The following BTC variants were observed in gnomAD, a reference collection of about 807,000 sequenced individuals.
BTC encodes betacellulin.
A neutral mutation model predicts 18.1 loss-of-function variants in BTC; 13 were observed. That is an observed-to-expected ratio of 0.72 (90% CI 0.47 to 1.14). The LOEUF (loss-of-function observed/expected upper bound fraction) is 1.14, where lower values mean the gene tolerates loss of function less well. Ranked by LOEUF, BTC falls within the 50% of genes most tolerant of loss-of-function variation. The pLI, the probability that BTC is intolerant of heterozygous loss-of-function variation, is 0.00. For missense variants in BTC, 247 were observed against 224.2 expected (o/e 1.10, Z -0.65); for synonymous variants, 83 against 79.4 (o/e 1.05, Z -0.24).
intron 3 of BTC, among the ~76,000 whole-genome samples, chr4:74,753,101 G>T (rs1344985864): frequency 6.6e-6 from 1 of 152,160 alleles, no homozygotes; most frequent in Non-Finnish European, 1.5e-5. Context: ...AGAAGAAGAG[G>T]CAAAGAGAGC....
chr4:74,758,135 C>A (rs1724652448), intron 2 of BTC, among the ~76,000 whole-genome samples: 1 of 152,066 alleles, frequency 6.6e-6, no homozygotes, highest in Admixed American at 6.6e-5. Context: ...GGCACAGAGT[C>A]AAGAATATGC....
At chr4:74,747,639 C>G (rs1320836516) in intron 5 of BTC, among the ~76,000 whole-genome samples, 1 of 152,128 alleles carries the variant, frequency 6.6e-6, no homozygotes, top group Non-Finnish European at 1.5e-5. Context: ...CTGAACAATC[C>G]TTACTGATGC....
chr4:74,788,760 T>A (rs1213119035), intron 1 of BTC, among the ~76,000 whole-genome samples: 2 of 152,234 alleles, frequency 1.3e-5, no homozygotes, highest in African/African-American at 4.8e-5. Flanking sequence ...GTTTTGCTAA[T>A]TGCGATAGTC....
intron 1 of BTC, among the ~76,000 whole-genome samples, chr4:74,782,888 C>T (rs149396497): frequency 7.4e-4 from 113 of 152,118 alleles, no homozygotes; most frequent in African/African-American, 2.5e-3. Context: ...TTCTTGGCCA[C>T]GTGTATGTCT....
Position 74,776,231 on chromosome 4 carries a change from G to A in BTC, c.65-6075C>T, listed in dbSNP as rs143641514. Among the ~76,000 whole-genome samples, 9 of 151,300 alleles carry A rather than the reference G, an allele frequency of 5.9e-5. No individual in the cohort carries two copies. The East Asian group carries it at 1.4e-3, about 23-fold the overall frequency. ...CTTTTTCCTTTTAAATGTTTTTTGG[G>A]TCAGATTTCACCTATCATTCAAATA... On this transcript the variant is annotated intron_variant, in intron 1 of 5. Transcript: ENST00000395743.
At chr4:74,765,272 A>G (rs1483383756) in intron 2 of BTC, among the ~76,000 whole-genome samples, 8 of 152,100 alleles carry the variant, frequency 5.3e-5, no homozygotes, top group African/African-American at 1.9e-4. Context: ...AATTTTCAAC[A>G]AAGAGATAGA....
chr4:74,784,414 A>G (rs947557076), intron 1 of BTC, among the ~76,000 whole-genome samples: 1 of 152,060 alleles, frequency 6.6e-6, no homozygotes, highest in Admixed American at 6.5e-5. Context: ...TCCTACTTAC[A>G]TACTCTTTAT....
chr4:74,749,931 C>CAAAAAA (rs782482968), intron 4 of BTC, among the ~76,000 whole-genome samples: 3 of 74,040 alleles, frequency 4.1e-5, no homozygotes, highest in African/African-American at 1.4e-4. Context: ...CCAGTCTCCA[C>CAAAAAA]AAAAAAAAAA....
intron 2 of BTC, among the ~76,000 whole-genome samples, chr4:74,759,748 G>A (rs181342880): frequency 6.6e-6 from 1 of 152,032 alleles, no homozygotes; most frequent in Non-Finnish European, 1.5e-5. Context: ...CGGAAGTAAG[G>A]ACATCTTTCT....
intron 1 of BTC, among the ~76,000 whole-genome samples, chr4:74,785,539 G>A (rs576837850): frequency 6.6e-6 from 1 of 152,116 alleles, no homozygotes; most frequent in South Asian, 2.1e-4. Flanking sequence ...GATCTTTCTA[G>A]ATTTTTGATG....
At chr4:74,757,543 T>C (rs1553956865) in intron 2 of BTC, among the ~76,000 whole-genome samples, 1 of 152,240 alleles carries the variant, frequency 6.6e-6, no homozygotes, top group East Asian at 1.9e-4. Flanking sequence ...GACAAATCAA[T>C]TGATGTCAAC....
At chr4:74,777,605 T>A (rs1321635013) in intron 1 of BTC, among the ~76,000 whole-genome samples, 1 of 152,206 alleles carries the variant, frequency 6.6e-6, no homozygotes, top group Admixed American at 6.5e-5. Context: ...GCATGTTCCT[T>A]CTTTCTAATT....
At chr4:74,754,304 A>T (rs1317085877) in intron 3 of BTC, among the ~76,000 whole-genome samples, 1 of 152,204 alleles carries the variant, frequency 6.6e-6, no homozygotes, top group Non-Finnish European at 1.5e-5. Flanking sequence ...AATTCTGAGG[A>T]CTGTGTTTGA....
intron 4 of BTC, among the ~76,000 whole-genome samples, chr4:74,749,679 GTTT>G (rs368443449): frequency 1.3e-5 from 1 of 77,836 alleles, no homozygotes; most frequent in South Asian, 3.8e-4. Flanking sequence ...TAATAAGATA[GTTT>G]TTTTTGTTGT....
intron 1 of BTC, among the ~76,000 whole-genome samples, chr4:74,787,177 G>A (rs1242897025): frequency 6.6e-6 from 1 of 152,132 alleles, no homozygotes; most frequent in African/African-American, 2.4e-5. Flanking sequence ...TATATTAGTA[G>A]TTCATCCTGT....
intron 2 of BTC, among the ~76,000 whole-genome samples, chr4:74,767,731 C>A (rs1299193500): frequency 6.6e-6 from 1 of 151,978 alleles, no homozygotes; most frequent in Non-Finnish European, 1.5e-5. Context: ...GAGCAATAAA[C>A]CCATGAATAT....
intron 2 of BTC, among the ~76,000 whole-genome samples, chr4:74,768,842 G>T (rs1220929135): frequency 6.6e-6 from 1 of 152,142 alleles, no homozygotes; most frequent in Non-Finnish European, 1.5e-5. Context: ...AATTTCCCAA[G>T]GGAAATGTGA....
In BTC at chr4:74,750,436, A is replaced by G. The variant is rs575629187; in HGVS notation, c.428+137T>C. 1.5e-5 allele frequency: 13 copies of G among 843,974 alleles called. No homozygotes were observed. The South Asian group carries it at 2.8e-4, about 18-fold the overall frequency. 52.3% of individuals were successfully genotyped at this position (843,974 alleles called of 1,614,324 possible). A position where few individuals can be genotyped will look rare whatever the true frequency, so the allele number is the denominator to read the frequency against. ...TTATTATGAATACTTCTATATCAACAATGGCAAAGCTCAAAAAGTAAATTT... is the reference window on the plus strand; with the variant it reads ...TTATTATGAATACTTCTATATCAACGATGGCAAAGCTCAAAAAGTAAATTT... On this transcript the variant is annotated intron_variant, in intron 4 of 5. Coordinates refer to ENST00000395743, the MANE Select transcript of BTC (RefSeq NM_001729.4).
intron 2 of BTC, among the ~76,000 whole-genome samples, chr4:74,768,283 T>C (rs1724952736): frequency 6.6e-6 from 1 of 152,058 alleles, no homozygotes; most frequent in Non-Finnish European, 1.5e-5. Flanking sequence ...AAAATCAAGA[T>C]CTCAATTAGA....
Sources: allele counts gnomAD v4.1 joint callset (sites outside exome capture counted in the v4.1 genomes callset), GRCh38; gene constraint gnomAD v4.1.1; transcripts MANE v1.5; gene names NCBI Gene and HGNC (gene_info 2026-07-23, HGNC 2026-07-21).